The following RUNDC1 variants were observed in gnomAD, a reference collection of about 807,000 sequenced individuals.
RUNDC1 encodes the protein RUN domain-containing protein 1.
In RUNDC1, 31 loss-of-function variants were observed where a neutral mutation model predicts 49.3. That is an observed-to-expected ratio of 0.63 (90% CI 0.47 to 0.85). The LOEUF (loss-of-function observed/expected upper bound fraction) is 0.85. RUNDC1 is among the 40% of genes least tolerant of loss of function. RUNDC1 has a pLI of 0.00. For missense variants in RUNDC1, 715 were observed against 806.7 expected (o/e 0.89, Z 1.38); for synonymous variants, 347 against 348.6 (o/e 1.00, Z 0.05).
chr17:42,983,951 T>G (rs1218200929), intron 1 of RUNDC1, among the ~76,000 whole-genome samples: 4 of 151,872 alleles, frequency 2.6e-5, no homozygotes, highest in Non-Finnish European at 5.9e-5. Context: ...CCCAAAGTGC[T>G]GGGATTATAG....
At position 42,980,851 on chromosome 17, in the gene RUNDC1, C is replaced by G. The variant is rs900259583; in HGVS notation, c.275C>G (p.Ser92Trp). ...CGGGCAGAGCGGCGGCGGCTGGACT[C>G]GGCGCTGCTGGCGCTGTCCTCGCAC... ...RLRAERRRLDSALLALSSHFA... is the reference protein window; with the variant it reads ...RLRAERRRLDWALLALSSHFA... Residue 92 changes from serine to tryptophan, a missense_variant, in exon 1 of 5, where the codon TCG becomes TGG. Transcript: ENST00000361677. The G allele has an allele frequency of 7.1e-7, 1 of 1,409,636 alleles. No homozygotes were observed. The highest frequency in any genetic ancestry group is 1.5e-5 in the African/African-American group (1 of 66,660). 87.3% of individuals were successfully genotyped at this position (1,409,636 alleles called of 1,614,324 possible).
At position 42,991,543 on chromosome 17, in the gene RUNDC1, C is replaced by T; in HGVS notation, c.1669C>T (p.Leu557Phe). ...NEQRLVSWVN[L>F]ICKSGSLIEP... ...GCAGCGTCTGGTGTCCTGGGTGAAC[C>T]TCATCTGCAAGTCCGGGTCACTCAT... The change falls in exon 5 of 5, where the codon CTC (leucine) becomes TTC (phenylalanine). Residue 557 changes from leucine to phenylalanine, a missense_variant. Leu to Phe is a conservative substitution (Grantham distance 22, BLOSUM62 0). This residue lies in a region of RUNDC1 where 425 missense variants were observed against 499.7 expected (regional missense o/e 0.85). Coordinates refer to ENST00000361677, the MANE Select transcript of RUNDC1 (RefSeq NM_173079.5). The T allele has an allele frequency of 6.2e-7, 1 of 1,614,148 alleles. No individual in the cohort carries two copies. The highest frequency in any genetic ancestry group is 8.5e-7 in the Non-Finnish European group (1 of 1,180,018).
At chr17:42,990,700 A>G in intron 4 of RUNDC1, 151 bp from the exon 5 acceptor site, 6 of 911,460 alleles carry the variant, frequency 6.6e-6, no homozygotes, top group Non-Finnish European at 9.9e-6. Flanking sequence ...ATTATTAACC[A>G]GAAAAAGGAA....
chr17:42,990,957 A>G lies in RUNDC1; in HGVS notation c.1083A>G (p.Thr361=). 1.9e-6 allele frequency: 3 copies of G among 1,613,940 alleles called. No homozygotes were observed. The highest frequency in any genetic ancestry group is 2.5e-6 in the Non-Finnish European group (3 of 1,179,840). ...CTGTTAGCCAGTTTGGTTGTGCCAC[A>G]GGCCAGATCCCTCCAACCCTGTGGC... ...IFAVSQFGCA[T]GQIPPTLWQR... Residue 361 remains threonine (T), a synonymous_variant, in exon 5 of 5, where the codon ACA becomes ACG. Transcript: ENST00000361677.
Position 42,991,378 on chromosome 17 carries a change from C to A in RUNDC1, c.1504C>A (p.Leu502Ile), listed in dbSNP as rs2050239511. ...PARKLSQSFALPVTGGTVVTP... is the reference protein window; with the variant it reads ...PARKLSQSFAIPVTGGTVVTP... Reference sequence around the variant, plus strand: ...CCGGAAGCTCTCCCAGTCCTTCGCCCTTCCTGTTACGGGAGGCACTGTTGT... The same window carrying A: ...CCGGAAGCTCTCCCAGTCCTTCGCCATTCCTGTTACGGGAGGCACTGTTGT... The change falls in exon 5 of 5, where the codon CTT becomes ATT. Residue 502 changes from leucine to isoleucine, a missense_variant. Coordinates refer to ENST00000361677, the MANE Select transcript of RUNDC1 (RefSeq NM_173079.5). 1 of 1,614,118 alleles carries A rather than the reference C, an allele frequency of 6.2e-7. No individual in the cohort carries two copies. The highest frequency in any genetic ancestry group is 1.3e-5 in the African/African-American group (1 of 74,928).
chr17:42,981,307 C>A, intron 1 of RUNDC1: 2 of 547,576 alleles, frequency 3.7e-6, no homozygotes, highest in Non-Finnish European at 6.3e-6. Context: ...GATGTCGGTG[C>A]GTGATGACGT....
At position 42,994,231 on chromosome 17, in the gene RUNDC1, C is replaced by G. The variant is rs115371438; in HGVS notation, c.*2515C>G. Among the ~76,000 whole-genome samples the G allele has an allele frequency of 2.6e-5, 4 of 152,272 alleles. No homozygotes were observed. Among genetic ancestry groups the G allele is most frequent in the Non-Finnish European group, 5.9e-5 (4 of 68,020 alleles). ...AACTGGTATAGCCATATGGCGTAGCCCAGCGATCACCCCAGTATTGCCTTT... is the reference window on the plus strand; with the variant it reads ...AACTGGTATAGCCATATGGCGTAGCGCAGCGATCACCCCAGTATTGCCTTT... On this transcript the variant is annotated 3_prime_UTR_variant, in exon 5 of 5. Coordinates refer to ENST00000361677, the MANE Select transcript of RUNDC1 (RefSeq NM_173079.5).
intron 1 of RUNDC1, among the ~76,000 whole-genome samples, chr17:42,983,881 A>G (rs1208063360): frequency 6.6e-6 from 1 of 151,986 alleles, no homozygotes; most frequent in African/African-American, 2.4e-5. Flanking sequence ...CATGTCGGCC[A>G]GGCTGGTCTC....
Position 42,991,832 on chromosome 17 carries a change from C to T in RUNDC1, c.*116C>T. On this transcript the variant is annotated 3_prime_UTR_variant, in exon 5 of 5. Coordinates refer to ENST00000361677, the MANE Select transcript of RUNDC1 (RefSeq NM_173079.5). ...TTAAAGGCATTTTTCCCAGACCCTG[C>T]TCAGGCAGTCGGCCAAATGAGTGCA... 1.7e-6 allele frequency: 2 copies of T among 1,151,060 alleles called. No individual in the cohort carries two copies. Among genetic ancestry groups the T allele is most frequent in the Non-Finnish European group, 2.4e-6 (2 of 818,626 alleles). 71.3% of individuals were successfully genotyped at this position (1,151,060 alleles called of 1,614,324 possible). A position where few individuals can be genotyped will look rare whatever the true frequency, so the allele number is the denominator to read the frequency against.
Position 42,991,100 on chromosome 17 carries a change from C to A in RUNDC1, c.1226C>A (p.Ala409Asp). 6.2e-7 allele frequency: 1 copy of A among 1,614,196 alleles called. No individual in the cohort carries two copies. Residue 409 changes from alanine to aspartate, a missense_variant, in exon 5 of 5, where the codon GCC becomes GAC. Transcript: ENST00000361677. ...CCACATGACCATGTCATCACCTCTGCCAACCTCCAGGACCTCTCTCTGGGA... is the reference window on the plus strand; with the variant it reads ...CCACATGACCATGTCATCACCTCTGACAACCTCCAGGACCTCTCTCTGGGA... ...QQPHDHVITS[A>D]NLQDLSLGGK... is the part of the protein sequence containing the mutation.
Position 42,992,908 on chromosome 17 carries a change from G to T in RUNDC1, c.*1192G>T, listed in dbSNP as rs1010834813. The T allele has an allele frequency of 6.6e-6, 1 of 152,188 alleles. No individual in the cohort carries two copies. Among genetic ancestry groups the T allele is most frequent in the South Asian group, 2.1e-4 (1 of 4,830 alleles). The allele number at this position is 152,188 out of a possible 1,614,324, so 9.4% of individuals were successfully genotyped here. ...ACAATGGGCTTTCTGTTTATGAGGG[G>T]TGAGAAGTGATGTTTGTTACTATGT... On this transcript the variant is annotated 3_prime_UTR_variant, in exon 5 of 5. Coordinates refer to ENST00000361677, the MANE Select transcript of RUNDC1 (RefSeq NM_173079.5).
At position 42,987,281 on chromosome 17, in the gene RUNDC1, T is replaced by C; in HGVS notation, c.524T>C (p.Leu175Pro). Residue 175 changes from leucine to proline, a missense_variant, in exon 2 of 5, where the codon CTG becomes CCG. Transcript: ENST00000361677. ...DQSEQEKQER[L>P]ETQREKQKEL... ...AGTGAGCAGGAAAAGCAAGAGCGTC[T>C]GGAAACCCAAAGGGAGAAGCAGAAA... 10 of 1,614,064 alleles carry C rather than the reference T, an allele frequency of 6.2e-6. No homozygotes were observed. The highest frequency in any genetic ancestry group is 1.3e-5 in the African/African-American group (1 of 75,006).
rs778887137 is a variant in RUNDC1, at chr17:42,994,064, G to C, written c.*2348G>C. On this transcript the variant is annotated 3_prime_UTR_variant, in exon 5 of 5. Transcript: ENST00000361677. The stretch of plus-strand genomic sequence containing the variant: ...TAATAGAGAGGGTTTCACCACATTT[G>C]TCAGGCTAGTCTCGAACTCCTGACC... Among the ~76,000 whole-genome samples the C allele has an allele frequency of 2.6e-5, 4 of 152,134 alleles. No homozygotes were observed. Among genetic ancestry groups the C allele is most frequent in the Non-Finnish European group, 5.9e-5 (4 of 68,034 alleles).
In RUNDC1 at chr17:42,987,255, G is replaced by T. The variant is rs1359277770; in HGVS notation, c.499-1G>T. On this transcript the variant is annotated splice_acceptor_variant, in intron 1 of 4. Coordinates refer to ENST00000361677, the MANE Select transcript of RUNDC1 (RefSeq NM_173079.5). LOFTEE classifies it high-confidence loss of function. ...TAGACCCAATTATTTTCTTGCCTTA[G>T]AGTGAGCAGGAAAAGCAAGAGCGTC... 6.2e-7 allele frequency: 1 copy of T among 1,613,780 alleles called. No individual in the cohort carries two copies. Among genetic ancestry groups the T allele is most frequent in the Non-Finnish European group, 8.5e-7 (1 of 1,179,890 alleles).
In RUNDC1 at chr17:42,980,843, G is replaced by T. The variant is rs778845354; in HGVS notation, c.267G>T (p.Arg89=). The change falls in exon 1 of 5, where the codon CGG becomes CGT. Residue 89 remains arginine (R), a synonymous_variant. Coordinates refer to ENST00000361677, the MANE Select transcript of RUNDC1 (RefSeq NM_173079.5). ...GGCGGCTGCGGGCAGAGCGGCGGCGGCTGGACTCGGCGCTGCTGGCGCTGT... is the reference window on the plus strand; with the variant it reads ...GGCGGCTGCGGGCAGAGCGGCGGCGTCTGGACTCGGCGCTGCTGGCGCTGT... ...TLRRLRAERR[R]LDSALLALSS... 4.3e-5 allele frequency: 60 copies of T among 1,390,284 alleles called. 2 individuals are homozygous for T. Among genetic ancestry groups the T allele is most frequent in the South Asian group, 4.2e-4 (26 of 61,496 alleles). The allele number at this position is 1,390,284 out of a possible 1,614,324, so 86.1% of individuals were successfully genotyped here.
intron 1 of RUNDC1, among the ~76,000 whole-genome samples, chr17:42,985,041 A>G (rs2050153153): frequency 6.6e-6 from 1 of 151,520 alleles, no homozygotes; most frequent in South Asian, 2.1e-4. Flanking sequence ...GATTACAGGC[A>G]CGTGCCACCA....
intron 4 of RUNDC1, 149 bp downstream of exon 4, chr17:42,990,585 T>C: frequency 1.1e-6 from 1 of 876,770 alleles, no homozygotes; most frequent in Middle Eastern, 3.5e-4. Context: ...ATTCTAAAAT[T>C]GATTGCAGTG....
At chr17:42,990,794 G>A in intron 4 of RUNDC1, 57 bp from the exon 5 acceptor site, 1 of 1,535,630 alleles carries the variant, frequency 6.5e-7, no homozygotes, top group Non-Finnish European at 8.8e-7. Context: ...GATTTGTTGA[G>A]TGTAGCTCTG....
chr17:42,984,278 C>A (rs1053217514), intron 1 of RUNDC1, among the ~76,000 whole-genome samples: 1 of 149,698 alleles, frequency 6.7e-6, no homozygotes, highest in African/African-American at 2.5e-5. Context: ...ACCTGGCCCC[C>A]AGTTTTTTTT....
Sources: allele counts gnomAD v4.1 joint callset (sites outside exome capture counted in the v4.1 genomes callset), GRCh38; gene constraint gnomAD v4.1.1; regional missense constraint gnomAD v4.1.1; transcripts MANE v1.5; gene names NCBI Gene and HGNC (gene_info 2026-07-23, HGNC 2026-07-21).